The following MAPKAP1 variants were observed in gnomAD, a reference collection of about 807,000 sequenced individuals.
MAPKAP1 encodes the protein MAPK associated protein 1.
A neutral mutation model predicts 65.7 loss-of-function variants in MAPKAP1; 20 were observed. The ratio of observed to expected loss-of-function variants is 0.30; its 90% CI spans 0.21 to 0.44. MAPKAP1 has a LOEUF of 0.44. Among genes scored for constraint, MAPKAP1 ranks in the 20% least tolerant of loss-of-function variants. The probability of loss-of-function intolerance (pLI) is 1.00; values close to 1 mark genes in which losing one functional copy is unlikely to be tolerated. For synonymous variants in MAPKAP1, 222 were observed against 244.3 expected (o/e 0.91, Z 0.85); for missense variants, 423 against 648.0 (o/e 0.65, Z 3.77).
intron 8 of MAPKAP1, among the ~76,000 whole-genome samples, chr9:125,486,973 C>G (rs984188128): frequency 6.6e-6 from 1 of 152,208 alleles, no homozygotes; most frequent in South Asian, 2.1e-4. Context: ...TTGCCTGTCT[C>G]TGCCATTAGA....
rs77857947 is a variant in MAPKAP1, at chr9:125,558,416, G to A, written c.848+1217C>T. On this transcript the variant is annotated intron_variant, in intron 6 of 11. Transcript: ENST00000265960. ...TAGGGATGAAACGGCCACCATGAAA[G>A]CCTGAGGGCCCACTCCCCAGCTTAC... Among the ~76,000 whole-genome samples the A allele has an allele frequency of 4.2e-3, 641 of 152,204 alleles. 4 individuals are homozygous for A. Among genetic ancestry groups the A allele is most frequent in the African/African-American group, 0.014 (599 of 41,526 alleles).
chr9:125,639,234 C>T (rs1833509928), intron 4 of MAPKAP1, among the ~76,000 whole-genome samples: 1 of 152,046 alleles, frequency 6.6e-6, no homozygotes, highest in South Asian at 2.1e-4. Context: ...CAGAGAGACT[C>T]CATCTCAAAA....
chr9:125,604,595 A>G (rs1832392004), intron 4 of MAPKAP1, among the ~76,000 whole-genome samples: 1 of 152,266 alleles, frequency 6.6e-6, no homozygotes, highest in South Asian at 2.1e-4. Context: ...TCTTCTAGAA[A>G]ACATTTCATT....
At chr9:125,533,327 G>A (rs977607852) in intron 7 of MAPKAP1, among the ~76,000 whole-genome samples, 6 of 152,128 alleles carry the variant, frequency 3.9e-5, no homozygotes, top group African/African-American at 1.4e-4. Context: ...AAATTAAAAT[G>A]AGATACTGGC....
intron 6 of MAPKAP1, among the ~76,000 whole-genome samples, chr9:125,553,415 G>A (rs1330862892): frequency 1.3e-5 from 2 of 152,036 alleles, no homozygotes; most frequent in Non-Finnish European, 2.9e-5. Context: ...GGTGGCAGGT[G>A]CCTGTAATCA....
intron 1 of MAPKAP1, among the ~76,000 whole-genome samples, chr9:125,676,142 T>C (rs2131810240): frequency 6.6e-6 from 1 of 152,318 alleles, no homozygotes; most frequent in East Asian, 1.9e-4. Context: ...AAATGGGCAC[T>C]CTCATGCACA....
chr9:125,512,369 T>C (rs887844991), intron 7 of MAPKAP1, among the ~76,000 whole-genome samples: 3 of 152,180 alleles, frequency 2.0e-5, no homozygotes, highest in African/African-American at 7.2e-5. Context: ...TTTGTATCTT[T>C]AGAAAGTTTA....
intron 7 of MAPKAP1, among the ~76,000 whole-genome samples, chr9:125,527,063 TTTTTG>T (rs1224025829): frequency 3.6e-5 from 4 of 109,680 alleles, no homozygotes; most frequent in Admixed American, 1.9e-4. Context: ...TGTAGTGTTT[TTTTTG>T]TTTGTTTTTT....
chr9:125,499,763 G>A (rs967579454), intron 8 of MAPKAP1, among the ~76,000 whole-genome samples: 4 of 152,064 alleles, frequency 2.6e-5, no homozygotes, highest in South Asian at 2.1e-4. Flanking sequence ...GGTAATCCCA[G>A]TATTATGGGA....
chr9:125,530,152 G>C (rs1025979605), intron 7 of MAPKAP1, among the ~76,000 whole-genome samples: 1 of 152,056 alleles, frequency 6.6e-6, no homozygotes, highest in East Asian at 1.9e-4. Flanking sequence ...CTAAAGCAAG[G>C]GTTTTTTCAT....
chr9:125,623,051 G>C (rs1212690838), intron 4 of MAPKAP1, among the ~76,000 whole-genome samples: 1 of 151,494 alleles, frequency 6.6e-6, no homozygotes, highest in East Asian at 2.0e-4. Flanking sequence ...GCCAACCTCG[G>C]CCTCCCGAGG....
At chr9:125,543,928 T>C (rs118032832) in intron 6 of MAPKAP1, among the ~76,000 whole-genome samples, 5,479 of 152,254 alleles carry the variant, frequency 0.036, 131 homozygotes, top group South Asian at 0.057. Flanking sequence ...AAAAACGTCA[T>C]GTGGGGCCGC....
At chr9:125,704,565 T>C (rs1449265835) in intron 1 of MAPKAP1, among the ~76,000 whole-genome samples, 1 of 152,230 alleles carries the variant, frequency 6.6e-6, no homozygotes, top group Non-Finnish European at 1.5e-5. Context: ...TCTAACATTT[T>C]GCTTGGCACT....
At chr9:125,677,196 T>C (rs975940894) in intron 1 of MAPKAP1, among the ~76,000 whole-genome samples, 32 of 152,262 alleles carry the variant, frequency 2.1e-4, no homozygotes, top group African/African-American at 7.5e-4. Flanking sequence ...CTCAGCACTT[T>C]GGGAGGCCGA....
chr9:125,577,592 G>A (rs188419538), intron 5 of MAPKAP1, among the ~76,000 whole-genome samples: 22,577 of 67,324 alleles, frequency 0.34, 3,798 homozygotes, highest in East Asian at 0.49. Context: ...CCTGCCAGCC[G>A]CCCCGTCCGG....
intron 5 of MAPKAP1, among the ~76,000 whole-genome samples, chr9:125,577,179 C>T (rs1030140770): frequency 2.7e-5 from 4 of 147,136 alleles, no homozygotes; most frequent in Non-Finnish European, 6.0e-5. Flanking sequence ...CCGCCCCGTC[C>T]GGGATGTGAG....
chr9:125,495,146 G>A (rs138555345), intron 8 of MAPKAP1, among the ~76,000 whole-genome samples: 35 of 152,272 alleles, frequency 2.3e-4, no homozygotes, highest in African/African-American at 6.3e-4. Flanking sequence ...GTCTTCTCAG[G>A]AGCATGGCAT....
chr9:125,684,197 G>C (rs964704005), intron 1 of MAPKAP1, among the ~76,000 whole-genome samples: 5 of 152,124 alleles, frequency 3.3e-5, no homozygotes, highest in African/African-American at 1.2e-4. Flanking sequence ...CAAATCATTT[G>C]TGAAGTTGTT....
chr9:125,674,825 T>C (rs1834598354), intron 1 of MAPKAP1, among the ~76,000 whole-genome samples: 1 of 152,202 alleles, frequency 6.6e-6, no homozygotes, highest in Non-Finnish European at 1.5e-5. Context: ...GTGAGTAAGG[T>C]ATCCCTGAAT....
Sources: allele counts gnomAD v4.1 joint callset (sites outside exome capture counted in the v4.1 genomes callset), GRCh38; gene constraint gnomAD v4.1.1; transcripts MANE v1.5; gene names NCBI Gene and HGNC (gene_info 2026-07-23, HGNC 2026-07-21).